The following UBAP2L variants were observed in gnomAD, a reference collection of about 807,000 sequenced individuals.
UBAP2L encodes ubiquitin-associated protein 2-like.
Under a neutral mutation model 130.6 loss-of-function variants are expected in UBAP2L, and 12 were observed. The ratio of observed to expected loss-of-function variants is 0.09; its 90% CI spans 0.06 to 0.15. The LOEUF (loss-of-function observed/expected upper bound fraction) is 0.15. Ranked by LOEUF, UBAP2L falls within the 10% of genes least tolerant of loss-of-function variation. UBAP2L has a pLI of 1.00. For synonymous variants in UBAP2L, 503 were observed against 524.7 expected, an observed-to-expected ratio of 0.96 and a Z score of 0.57; for missense variants, 965 against 1,332.5, an observed-to-expected ratio of 0.72 and a Z score of 4.29.
chr1:154,235,092 C>T (rs1671172696), intron 5 of UBAP2L, 104 bp from the exon 6 acceptor site: 1 of 678,396 alleles, frequency 1.5e-6, no homozygotes, highest in Non-Finnish European at 2.7e-6. Context: ...TACCATATTA[C>T]ATACCATTTA....
intron 15 of UBAP2L, among the ~76,000 whole-genome samples, chr1:154,254,471 G>A (rs1678938643): frequency 6.6e-6 from 1 of 152,180 alleles, no homozygotes; most frequent in Non-Finnish European, 1.5e-5. Flanking sequence ...AGTGTCAGAT[G>A]CAGCCAGCGG....
At chr1:154,235,388 T>A (rs1377381423) in intron 6 of UBAP2L, 97 bp downstream of exon 6, 2 of 615,562 alleles carry the variant, frequency 3.2e-6, no homozygotes, top group Non-Finnish European at 5.8e-6. Flanking sequence ...GTAGTCTCAC[T>A]CTCACCCAGG....
At chr1:154,261,167 C>G in intron 23 of UBAP2L, 58 bp downstream of exon 23, 1 of 1,537,504 alleles carries the variant, frequency 6.5e-7, no homozygotes, top group Non-Finnish European at 8.8e-7. Flanking sequence ...TGGACACTAT[C>G]CTAGCTGCTT....
intron 7 of UBAP2L, 50 bp downstream of exon 7, chr1:154,236,661 T>G (rs747733303): frequency 1.2e-6 from 2 of 1,601,258 alleles, no homozygotes; most frequent in African/African-American, 2.7e-5. Flanking sequence ...TAAAAATTAC[T>G]GTAGGCAGCC....
At chr1:154,265,104 T>C in intron 24 of UBAP2L, among the ~76,000 whole-genome samples, 1 of 152,254 alleles carries the variant, frequency 6.6e-6, no homozygotes, top group Non-Finnish European at 1.5e-5. Flanking sequence ...AGTTCCGTTA[T>C]TTTTCCTAGT....
rs557954791 is a variant in UBAP2L at position 154,240,825 on chromosome 1, G to C, written c.704-688G>C. Among the ~76,000 whole-genome samples the C allele has an allele frequency of 1.2e-4, 18 of 151,396 alleles. 1 individual carries two copies. Among genetic ancestry groups the C allele is most frequent in the South Asian group, 4.2e-4 (2 of 4,770 alleles). Reference sequence around the variant, plus strand: ...GTCTTATACTAGATAAATAGGTGTAGTTTGCATGTTATGGTTTAAATTGGC... The same window carrying C: ...GTCTTATACTAGATAAATAGGTGTACTTTGCATGTTATGGTTTAAATTGGC... On this transcript the variant is annotated intron_variant, in intron 8 of 26. Transcript: ENST00000428931.
rs1264324055 is a variant in UBAP2L at position 154,268,847 on chromosome 1, C to T, written c.3061C>T (p.Pro1021Ser). ...SALGSGGPIN[P>S]ATAAAYPPAP... ...CCTAGGAAGTGGGGGCCCCATCAAT[C>T]CGGCCACAGCTGCTGCCTACCCACC... The change falls in exon 26 of 27, where the codon CCG becomes TCG. Residue 1021 changes from proline (P) to serine (S), a missense_variant. By Grantham distance (74) the Pro-to-Ser change is moderately conservative (BLOSUM62 -1). This residue lies in a region of UBAP2L where 194 missense variants were observed against 334.0 expected (regional missense o/e 0.58). Coordinates refer to ENST00000428931, the MANE Select transcript of UBAP2L (RefSeq NM_014847.4). The T allele has an allele frequency of 6.2e-7, 1 of 1,614,168 alleles. No homozygotes were observed. The highest frequency in any genetic ancestry group is 2.2e-5 in the East Asian group (1 of 44,884).
chr1:154,252,615 A>T (rs1678106842), intron 14 of UBAP2L, among the ~76,000 whole-genome samples: 1 of 151,838 alleles, frequency 6.6e-6, no homozygotes, highest in African/African-American at 2.4e-5. Context: ...GCTGAAGTGC[A>T]ATGGTGCAAT....
intron 8 of UBAP2L, among the ~76,000 whole-genome samples, chr1:154,237,479 A>G (rs986080138): frequency 2.0e-5 from 3 of 152,198 alleles, no homozygotes; most frequent in African/African-American, 2.4e-5. Context: ...CAACTATGCT[A>G]TGTCACTGCT....
In UBAP2L at chr1:154,270,386, G is replaced by A. The variant is rs1341152481; in HGVS notation, c.*91G>A. 1 of 1,566,532 alleles carries A rather than the reference G, an allele frequency of 6.4e-7. No homozygotes were observed. The highest frequency in any genetic ancestry group is 1.4e-5 in the African/African-American group (1 of 73,908). On this transcript the variant is annotated 3_prime_UTR_variant, in exon 27 of 27. Transcript: ENST00000428931. ...CAGCATCAAAGAGAAAGGAATGTGGGGGGTTTCCGCTGCCCCCCACCCCCA... is the reference window on the plus strand; with the variant it reads ...CAGCATCAAAGAGAAAGGAATGTGGAGGGTTTCCGCTGCCCCCCACCCCCA...
chr1:154,263,602 C>A, intron 24 of UBAP2L: 3 of 783,410 alleles, frequency 3.8e-6, no homozygotes, highest in South Asian at 5.9e-5. Context: ...CAAACCCCAG[C>A]ATAGCCAAAG....
chr1:154,245,159 C>T (rs1460217583), intron 10 of UBAP2L, among the ~76,000 whole-genome samples: 3 of 152,166 alleles, frequency 2.0e-5, no homozygotes, highest in African/African-American at 7.2e-5. Flanking sequence ...CTCCTGACTT[C>T]AAGTATCCGC....
intron 24 of UBAP2L, among the ~76,000 whole-genome samples, chr1:154,261,964 G>A (rs1491001829): frequency 6.6e-6 from 1 of 152,174 alleles, no homozygotes; most frequent in Non-Finnish European, 1.5e-5. Flanking sequence ...CCAAAAGTGT[G>A]GGTGGAAGTA....
chr1:154,267,619 C>A (rs904661771), intron 25 of UBAP2L, among the ~76,000 whole-genome samples: 4 of 151,270 alleles, frequency 2.6e-5, no homozygotes, highest in African/African-American at 9.7e-5. Flanking sequence ...CCAGGCCTGC[C>A]TAATTTTTGT....
At chr1:154,246,522 G>A in intron 11 of UBAP2L, 147 bp downstream of exon 11, 2 of 842,992 alleles carry the variant, frequency 2.4e-6, no homozygotes, top group Admixed American at 2.9e-5. Context: ...AAATGTTTGA[G>A]TTGGGTAATA....
At chr1:154,241,589 C>T (rs748321499) in intron 9 of UBAP2L, 24 bp downstream of exon 9, 3 of 1,613,486 alleles carry the variant, frequency 1.9e-6, no homozygotes, top group Non-Finnish European at 2.5e-6. Flanking sequence ...GGTCATTCCT[C>T]ACTAATGCCT....
intron 11 of UBAP2L, among the ~76,000 whole-genome samples, chr1:154,248,435 CTTTT>C (rs1187993158): frequency 6.6e-6 from 1 of 151,902 alleles, no homozygotes; most frequent in Non-Finnish European, 1.5e-5. Flanking sequence ...ATTGTTGTTT[CTTTT>C]GAGTTTTTTT....
At chr1:154,221,016 G>T in intron 1 of UBAP2L, 41 bp downstream of exon 1, 1 of 203,768 alleles carries the variant, frequency 4.9e-6, no homozygotes, top group Non-Finnish European at 1.0e-5. Flanking sequence ...CGGCGGCGGC[G>T]GCAGCGGCAG....
intron 10 of UBAP2L, among the ~76,000 whole-genome samples, chr1:154,243,620 C>T (rs1674328509): frequency 1.3e-5 from 2 of 152,106 alleles, no homozygotes; most frequent in Non-Finnish European, 2.9e-5. Context: ...GCCACCACGC[C>T]TGGCTAATTT....
Sources: gnomAD v4.1 joint callset for allele counts (sites outside exome capture counted in the v4.1 genomes callset) on GRCh38, gnomAD v4.1.1 for gene constraint, gnomAD v4.1.1 regional missense constraint, MANE v1.5 for transcripts, NCBI Gene and HGNC (gene_info 2026-07-23, HGNC 2026-07-21) for gene names.